The following CDC73 variants were observed in gnomAD, a reference collection of about 807,000 sequenced individuals.
CDC73 encodes parafibromin.
CDC73 carries 21 observed loss-of-function variants against 83.7 expected under a neutral mutation model. That is an observed-to-expected ratio of 0.25 (90% confidence interval 0.18 to 0.36). The LOEUF is 0.36. CDC73 is among the 10% of genes least tolerant of loss of function. The pLI is 1.00. For synonymous variants in CDC73, 224 were observed against 212.9 expected (o/e 1.05, Z -0.45); for missense variants, 342 against 653.3 (o/e 0.52, Z 5.19).
chr1:193,148,592 A>G (rs968308466), intron 8 of CDC73, among the ~76,000 whole-genome samples: 4 of 140,652 alleles, frequency 2.8e-5, no homozygotes, highest in African/African-American at 5.4e-5. Flanking sequence ...AATTGTTTCT[A>G]TTTTCTGCAA....
At chr1:193,224,170 G>A (rs868386351) in intron 13 of CDC73, among the ~76,000 whole-genome samples, 8 of 151,590 alleles carry the variant, frequency 5.3e-5, no homozygotes, top group Admixed American at 4.6e-4. Flanking sequence ...CCTGGTCTCT[G>A]ATAACTACCA....
In CDC73 at chr1:193,125,116, G is replaced by A; in HGVS notation, c.136G>A (p.Gly46Arg). 5 of 1,554,850 alleles carry A rather than the reference G, an allele frequency of 3.2e-6. No individual in the cohort carries two copies. Among genetic ancestry groups the A allele is most frequent in the Non-Finnish European group, 4.4e-6 (5 of 1,126,026 alleles). The change falls in exon 2 of 17, where the codon GGA becomes AGA. Residue 46 changes from glycine (G) to arginine (R), a missense_variant. Physicochemically the swap from Gly to Arg is moderately radical, Grantham distance 125. Transcript: ENST00000367435. Reference sequence around the variant, plus strand: ...ATCTTGCCTTAATTATTTCAGGACTGGAAAGGAAGGCCAACCCAGAGAGTA... The same window carrying A: ...ATCTTGCCTTAATTATTTCAGGACTAGAAAGGAAGGCCAACCCAGAGAGTA... ...VKTNYVVWGT[G>R]KEGQPREYYT...
chr1:193,216,895 T>A (rs917954004), intron 13 of CDC73, among the ~76,000 whole-genome samples: 4 of 152,094 alleles, frequency 2.6e-5, no homozygotes, highest in African/African-American at 9.7e-5. Flanking sequence ...CTAAAATCCC[T>A]TCATGTTAAC....
At chr1:193,186,414 C>T (rs1410806826) in intron 10 of CDC73, 2 of 152,510 alleles carry the variant, frequency 1.3e-5, no homozygotes, top group African/African-American at 4.8e-5. Flanking sequence ...CTACTAATAA[C>T]ACTGAGCTGC....
intron 7 of CDC73, among the ~76,000 whole-genome samples, chr1:193,144,063 T>G (rs1050207048): frequency 4.2e-5 from 6 of 143,830 alleles, no homozygotes; most frequent in Admixed American, 3.7e-4. Flanking sequence ...TGAGCTAAGA[T>G]TGTGCCATTG....
chr1:193,191,252 A>G (rs1447355419), intron 10 of CDC73, among the ~76,000 whole-genome samples: 1 of 152,216 alleles, frequency 6.6e-6, no homozygotes, highest in Non-Finnish European at 1.5e-5. Flanking sequence ...AGTCACCAAT[A>G]TACCAGTCTA....
Position 193,126,842 on chromosome 1 carries a change from T to TA in CDC73, c.237+1626dup, listed in dbSNP as rs548258806. Among the ~76,000 whole-genome samples, 1,012 of 152,346 alleles carry TA rather than the reference T, an allele frequency of 6.6e-3. 5 individuals carry two copies. Among genetic ancestry groups the TA allele is most frequent in the Non-Finnish European group, 0.011 (750 of 68,038 alleles). On this transcript the variant is annotated intron_variant, in intron 2 of 16. Transcript: ENST00000367435. ...TCATCACTGGAGCTGCTTTTTGAGT[T>TA]ACCTAACACCGTTGCTGGATCACAT...
intron 10 of CDC73, among the ~76,000 whole-genome samples, chr1:193,174,986 G>A (rs1180733670): frequency 2.6e-5 from 4 of 152,040 alleles, no homozygotes; most frequent in Non-Finnish European, 5.9e-5. Flanking sequence ...GGAATTTTTT[G>A]TTTTTTTCTT....
chr1:193,183,760 A>G lies in CDC73; in HGVS notation c.973-20035A>G, dbSNP rs186770676. Among the ~76,000 whole-genome samples, 73 of 152,008 alleles carry G rather than the reference A, an allele frequency of 4.8e-4. 1 individual carries two copies. The highest frequency in any genetic ancestry group is 1.7e-3 in the African/African-American group (70 of 41,550). The stretch of plus-strand genomic sequence containing the variant: ...GAAACAAAAGTTGCTTTTAAAATTT[A>G]TTTGATAATCTGTTCTAAGTGTTAC... On this transcript the variant is annotated intron_variant, in intron 10 of 16. Coordinates refer to ENST00000367435, the MANE Select transcript of CDC73 (RefSeq NM_024529.5).
chr1:193,195,054 C>T (rs1015782756), intron 10 of CDC73, among the ~76,000 whole-genome samples: 5 of 152,112 alleles, frequency 3.3e-5, no homozygotes, highest in African/African-American at 1.2e-4. Context: ...TGAATTGACT[C>T]ACACAGGTAT....
At chr1:193,147,657 GATGAA>G (rs1414931058) in intron 7 of CDC73, among the ~76,000 whole-genome samples, 2 of 152,108 alleles carry the variant, frequency 1.3e-5, no homozygotes, top group Non-Finnish European at 2.9e-5. Context: ...AAATGAAAAT[GATGAA>G]ATGAATACCA....
At chr1:193,234,881 A>G (rs978226405) in intron 14 of CDC73, among the ~76,000 whole-genome samples, 4 of 141,954 alleles carry the variant, frequency 2.8e-5, no homozygotes, top group African/African-American at 1.1e-4. Flanking sequence ...CTTAAGATTT[A>G]ATTTTAGTCT....
intron 10 of CDC73, among the ~76,000 whole-genome samples, chr1:193,174,152 C>T (rs554048148): frequency 2.2e-4 from 33 of 151,970 alleles, no homozygotes; most frequent in Admixed American, 2.0e-4. Context: ...CAAGTCTTCT[C>T]GGTGGCTTTT....
intron 13 of CDC73, among the ~76,000 whole-genome samples, chr1:193,229,760 G>A (rs576568658): frequency 6.6e-6 from 1 of 152,256 alleles, no homozygotes; most frequent in South Asian, 2.1e-4. Context: ...CCCACAGCAG[G>A]TATGATTATC....
At chr1:193,225,530 T>C (rs530757566) in intron 13 of CDC73, among the ~76,000 whole-genome samples, 2 of 152,286 alleles carry the variant, frequency 1.3e-5, no homozygotes, top group South Asian at 2.1e-4. Context: ...ACTAGCAATG[T>C]AGAAGTGTTC....
rs1677970827 is a variant in CDC73 at position 193,247,337 on chromosome 1, T to G, written c.1418-2393T>G. Among the ~76,000 whole-genome samples, 3 of 152,086 alleles carry G rather than the reference T, an allele frequency of 2.0e-5. No homozygotes were observed. The South Asian group carries it at 6.2e-4, about 31-fold the overall frequency. ...ACCCATATAAGATGGCAAACTTAGA[T>G]TGATAACTGTTGTTCTGACTGCCCC... On this transcript the variant is annotated intron_variant, in intron 15 of 16. Transcript: ENST00000367435.
At chr1:193,184,622 G>C (rs1249181539) in intron 10 of CDC73, among the ~76,000 whole-genome samples, 1 of 151,602 alleles carries the variant, frequency 6.6e-6, no homozygotes, top group Admixed American at 6.6e-5. Flanking sequence ...GTTGGTGATG[G>C]TTTAATAGAA....
In CDC73 at chr1:193,135,549, C is replaced by T; in HGVS notation, c.383C>T (p.Ala128Val). The T allele has an allele frequency of 6.2e-7, 1 of 1,613,468 alleles. No individual in the cohort carries two copies. The highest frequency in any genetic ancestry group is 8.5e-7 in the Non-Finnish European group (1 of 1,179,552). The change falls in exon 5 of 17, where the codon GCA becomes GTA. Residue 128 changes from alanine to valine, a missense_variant. Physicochemically the swap from Ala to Val is moderately conservative, Grantham distance 64. Transcript: ENST00000367435. ...LQRSTQVKRA[A>V]DEVLAEAKKP... The stretch of plus-strand genomic sequence containing the variant: ...CTTTCTTTTATAGTCAAACGAGCTG[C>T]AGATGAAGTTTTAGCAGAAGCAAAG...
chr1:193,170,918 G>T (rs1420561523), intron 10 of CDC73, among the ~76,000 whole-genome samples: 2 of 152,174 alleles, frequency 1.3e-5, no homozygotes, highest in East Asian at 3.8e-4. Context: ...GCCACATTTT[G>T]TGGGAGATGC....
Sources: allele counts gnomAD v4.1 joint callset (sites outside exome capture counted in the v4.1 genomes callset), GRCh38; gene constraint gnomAD v4.1.1; transcripts MANE v1.5; gene names NCBI Gene and HGNC (gene_info 2026-07-23, HGNC 2026-07-21).